MEIS2: variants seen among roughly 807,000 people sequenced by gnomAD.
MEIS2 encodes homeobox protein Meis2.
MEIS2 carries 9 observed loss-of-function variants against 58.6 expected under a neutral mutation model. The observed-to-expected ratio is 0.15, with a 90% CI of 0.09 to 0.27. The LOEUF (loss-of-function observed/expected upper bound fraction) is 0.27, where lower values mean the gene tolerates loss of function less well. MEIS2 is among the 10% of genes least tolerant of loss of function. The pLI, the probability that MEIS2 is intolerant of heterozygous loss-of-function variation, is 1.00. For missense variants in MEIS2, 427 were observed against 635.0 expected (o/e 0.67, Z 3.52); for synonymous variants, 221 against 228.4 (o/e 0.97, Z 0.29).
At chr15:36,999,354 A>G (rs763620550) in intron 8 of MEIS2, among the ~76,000 whole-genome samples, 20 of 152,208 alleles carry the variant, frequency 1.3e-4, no homozygotes, top group Non-Finnish European at 2.5e-4. Flanking sequence ...TAATTTACTC[A>G]TAGTAAACCA....
At chr15:36,973,623 T>C (rs1188054511) in intron 8 of MEIS2, among the ~76,000 whole-genome samples, 1 of 152,196 alleles carries the variant, frequency 6.6e-6, no homozygotes, top group Non-Finnish European at 1.5e-5. Context: ...CATGGTAAAA[T>C]ACAAGTTGTA....
chr15:36,894,944 T>C, intron 11 of MEIS2: 3 of 934,234 alleles, frequency 3.2e-6, no homozygotes, highest in Non-Finnish European at 5.2e-6. Flanking sequence ...AGGATGTGTA[T>C]GGGGCAGAGT....
At position 37,099,458 on chromosome 15, in the gene MEIS2, T is replaced by C. The variant is rs1267408549; in HGVS notation, c.9A>G (p.Gln3=). 5 of 1,614,096 alleles carry C rather than the reference T, an allele frequency of 3.1e-6. No individual in the cohort carries two copies. Among genetic ancestry groups the C allele is most frequent in the Non-Finnish European group, 4.2e-6 (5 of 1,180,014 alleles). ...AGTGTTGGAGATTTAAACCTACCCT[T>C]TGCGCCATCAGTCTGCGCTCCAATA... The part of the protein sequence containing the change: MA[Q]RYDELPHYGG... The change falls in exon 1 of 12, where the codon CAA becomes CAG. Residue 3 remains glutamine (Q), a synonymous_variant. Transcript: ENST00000561208.
At chr15:36,926,155 CTT>C (rs779356754) in intron 9 of MEIS2, among the ~76,000 whole-genome samples, 7 of 144,582 alleles carry the variant, frequency 4.8e-5, no homozygotes, top group South Asian at 2.2e-4. Flanking sequence ...ATTTCATTTC[CTT>C]TTTTTTTTTT....
At chr15:36,979,671 C>T (rs2059867961) in intron 8 of MEIS2, among the ~76,000 whole-genome samples, 1 of 147,814 alleles carries the variant, frequency 6.8e-6, no homozygotes, top group African/African-American at 2.5e-5. Flanking sequence ...ACTTTGCATA[C>T]ATTTCCATTA....
intron 7 of MEIS2, among the ~76,000 whole-genome samples, chr15:37,043,339 T>G (rs1008943929): frequency 6.6e-6 from 1 of 152,148 alleles, no homozygotes; most frequent in African/African-American, 2.4e-5. Flanking sequence ...ACATTTTCAT[T>G]TTGCACAATG....
intron 8 of MEIS2, among the ~76,000 whole-genome samples, chr15:36,954,616 C>A (rs1203653844): frequency 6.6e-6 from 1 of 151,934 alleles, no homozygotes; most frequent in East Asian, 1.9e-4. Flanking sequence ...TAAAGCAAGA[C>A]ATCTCCAAGA....
At chr15:36,971,673 A>G (rs906907710) in intron 8 of MEIS2, among the ~76,000 whole-genome samples, 1 of 151,872 alleles carries the variant, frequency 6.6e-6, no homozygotes, top group African/African-American at 2.4e-5. Context: ...CCTGAGGGGA[A>G]CACAATATAC....
intron 8 of MEIS2, among the ~76,000 whole-genome samples, chr15:37,031,815 TTGTGTGTGTGTG>T (rs66770353): frequency 2.7e-4 from 36 of 134,206 alleles, no homozygotes; most frequent in Admixed American, 1.4e-3. Context: ...TTACATCACT[TTGTGTGTGTGTG>T]TGTGTGTGTG....
At chr15:37,053,395 T>G (rs1408274890) in intron 7 of MEIS2, among the ~76,000 whole-genome samples, 1 of 152,160 alleles carries the variant, frequency 6.6e-6, no homozygotes, top group Non-Finnish European at 1.5e-5. Context: ...GAACACAATT[T>G]CTACCACCAG....
intron 7 of MEIS2, among the ~76,000 whole-genome samples, chr15:37,067,525 C>A (rs1322417169): frequency 6.6e-6 from 1 of 151,778 alleles, no homozygotes; most frequent in Non-Finnish European, 1.5e-5. Context: ...AACTAGAAGG[C>A]CCACATTCAG....
At chr15:36,914,219 A>G (rs2057169325) in intron 9 of MEIS2, among the ~76,000 whole-genome samples, 1 of 152,218 alleles carries the variant, frequency 6.6e-6, no homozygotes, top group Non-Finnish European at 1.5e-5. Context: ...ACAAAGGAAG[A>G]TGGAGAAGCG....
chr15:36,908,956 TAATAACA>T (rs2141259816), intron 9 of MEIS2, among the ~76,000 whole-genome samples: 1 of 152,126 alleles, frequency 6.6e-6, no homozygotes, highest in African/African-American at 2.4e-5. Flanking sequence ...ATAATAATAA[TAATAACA>T]AAACAACAAC....
chr15:36,906,252 G>A (rs2056730801), intron 9 of MEIS2, among the ~76,000 whole-genome samples: 1 of 152,166 alleles, frequency 6.6e-6, no homozygotes, highest in African/African-American at 2.4e-5. Flanking sequence ...TATGGTGTTT[G>A]AGGAAGATCT....
chr15:37,010,883 C>T (rs1053078720), intron 8 of MEIS2, among the ~76,000 whole-genome samples: 2 of 152,196 alleles, frequency 1.3e-5, no homozygotes, highest in Admixed American at 1.3e-4. Flanking sequence ...ATTAATTGCA[C>T]CCAAAATGAT....
At position 37,099,512 on chromosome 15, in the gene MEIS2, T is replaced by C. The variant is rs751350668; in HGVS notation, c.-46A>G. 1 of 1,612,750 alleles carries C rather than the reference T, an allele frequency of 6.2e-7. No homozygotes were observed. Among genetic ancestry groups the C allele is most frequent in the Non-Finnish European group, 8.5e-7 (1 of 1,179,678 alleles). On this transcript the variant is annotated 5_prime_UTR_variant, in exon 1 of 12. Transcript: ENST00000561208. ...TCCTGGATGTGTCGTATATTTAATATCCCAGTCCGGATAAGAAAGTGATCT... is the reference window on the plus strand; with the variant it reads ...TCCTGGATGTGTCGTATATTTAATACCCCAGTCCGGATAAGAAAGTGATCT...
chr15:37,084,587 G>A (rs926751216), intron 6 of MEIS2, among the ~76,000 whole-genome samples: 12 of 152,098 alleles, frequency 7.9e-5, no homozygotes, highest in African/African-American at 1.2e-4. Flanking sequence ...CTAGAGAGGA[G>A]TTTCACTTGA....
At chr15:36,966,386 A>AACTTTTAATT (rs1467909052) in intron 8 of MEIS2, among the ~76,000 whole-genome samples, 24 of 152,214 alleles carry the variant, frequency 1.6e-4, no homozygotes, top group Non-Finnish European at 4.4e-5. Context: ...ATTTTACAGT[A>AACTTTTAATT]ACTTTTAATT....
intron 8 of MEIS2, among the ~76,000 whole-genome samples, chr15:37,026,104 C>T (rs181797442): frequency 1.3e-5 from 2 of 152,134 alleles, no homozygotes; most frequent in East Asian, 3.9e-4. Context: ...TCATGAGCTG[C>T]CTGCAGGTAT....
Sources: allele counts gnomAD v4.1 joint callset (sites outside exome capture counted in the v4.1 genomes callset), GRCh38; gene constraint gnomAD v4.1.1; transcripts MANE v1.5; gene names NCBI Gene and HGNC (gene_info 2026-07-23, HGNC 2026-07-21).